The following NTN1 variants were observed in gnomAD, a reference collection of about 807,000 sequenced individuals.
The protein encoded by NTN1 is netrin-1.
Under a neutral mutation model 54.2 loss-of-function variants are expected in NTN1, and 11 were observed. The observed-to-expected ratio is 0.20, with a 90% CI of 0.13 to 0.34. The LOEUF (loss-of-function observed/expected upper bound fraction) is 0.34. Ranked by LOEUF, NTN1 falls within the 10% of genes least tolerant of loss-of-function variation. NTN1 has a pLI of 1.00. For missense variants in NTN1, 740 were observed against 893.1 expected, an observed-to-expected ratio of 0.83 and a Z score of 2.18; for synonymous variants, 371 against 382.0, an observed-to-expected ratio of 0.97 and a Z score of 0.33.
chr17:9,099,015 A>T (rs1033842516), intron 2 of NTN1, among the ~76,000 whole-genome samples: 5 of 152,190 alleles, frequency 3.3e-5, no homozygotes, highest in Non-Finnish European at 7.3e-5. Context: ...ATGAAATGGA[A>T]GTATGCTTTG....
intron 2 of NTN1, among the ~76,000 whole-genome samples, chr17:9,029,223 T>C (rs747469408): frequency 1.3e-5 from 2 of 152,190 alleles, no homozygotes; most frequent in African/African-American, 2.4e-5. Context: ...CAAACTCCTA[T>C]TGAGTGCCAG....
chr17:9,049,319 A>T (rs760695953), intron 2 of NTN1, among the ~76,000 whole-genome samples: 20 of 152,204 alleles, frequency 1.3e-4, no homozygotes, highest in Non-Finnish European at 2.4e-4. Context: ...AAAAAGAATA[A>T]CTTACAGTGA....
At position 9,022,640 on chromosome 17, in the gene NTN1, C is replaced by T; in HGVS notation, c.267C>T (p.Arg89=). 6.4e-7 allele frequency: 1 copy of T among 1,559,082 alleles called. No individual in the cohort carries two copies. The highest frequency in any genetic ancestry group is 8.7e-7 in the Non-Finnish European group (1 of 1,152,976). The change falls in exon 2 of 7, where the codon CGC becomes CGT. Residue 89 remains arginine (R), a synonymous_variant. Transcript: ENST00000173229. ...VVSERGEERL[R]SCHLCNASDP... ...GCGAGCGCGGCGAGGAGCGGCTGCG[C>T]TCGTGCCACCTCTGCAACGCGTCCG...
chr17:9,091,766 T>C (rs1331309642), intron 2 of NTN1, among the ~76,000 whole-genome samples: 3 of 151,656 alleles, frequency 2.0e-5, no homozygotes, highest in Admixed American at 2.0e-4. Context: ...TTAGCCACTT[T>C]TATGTGTACA....
intron 2 of NTN1, among the ~76,000 whole-genome samples, chr17:9,059,737 A>G (rs1597473248): frequency 6.6e-6 from 1 of 151,600 alleles, no homozygotes; most frequent in African/African-American, 2.4e-5. Flanking sequence ...GACAGAGGTG[A>G]TGGTTGTACA....
rs75542795 is a variant in NTN1, at chr17:9,081,863, C to T, written c.1018+58472C>T. On this transcript the variant is annotated intron_variant, in intron 2 of 6. Coordinates refer to ENST00000173229, the MANE Select transcript of NTN1 (RefSeq NM_004822.3). ...TAAATATTTAAAAATTCACTTTTAACCTTACATAAGGCCTGGAAGAGCACT... is the reference window on the plus strand; with the variant it reads ...TAAATATTTAAAAATTCACTTTTAATCTTACATAAGGCCTGGAAGAGCACT... Among the ~76,000 whole-genome samples the T allele has an allele frequency of 6.6e-3, 1,010 of 152,294 alleles. 11 individuals carry two copies. The highest frequency in any genetic ancestry group is 0.023 in the African/African-American group (970 of 41,554).
chr17:9,142,888 A>G (rs990460995), intron 2 of NTN1, among the ~76,000 whole-genome samples: 1 of 152,226 alleles, frequency 6.6e-6, no homozygotes, highest in Non-Finnish European at 1.5e-5. Flanking sequence ...ATCAATATGT[A>G]AAGTCCGTGT....
chr17:9,090,275 A>C (rs1361947868), intron 2 of NTN1, among the ~76,000 whole-genome samples: 1 of 151,116 alleles, frequency 6.6e-6, no homozygotes, highest in Admixed American at 6.6e-5. Context: ...TCCTGGATTC[A>C]AGCGATTGTC....
Position 9,239,537 on chromosome 17 carries a change from A to T in NTN1, c.1487-103A>T. The T allele has an allele frequency of 8.5e-7, 1 of 1,178,000 alleles. No homozygotes were observed. Among genetic ancestry groups the T allele is most frequent in the Non-Finnish European group, 1.2e-6 (1 of 826,016 alleles). The allele number at this position is 1,178,000 out of a possible 1,614,324, so 73.0% of individuals were successfully genotyped here. A position where few individuals can be genotyped will look rare whatever the true frequency, so the allele number is the denominator to read the frequency against. On this transcript the variant is annotated intron_variant, in intron 6 of 6. Coordinates refer to ENST00000173229, the MANE Select transcript of NTN1 (RefSeq NM_004822.3). The surrounding 1 kb of genome is among the most constrained non-coding windows in gnomAD (Gnocchi z 5.2). The stretch of plus-strand genomic sequence containing the variant: ...CCTGTATGGGCCACTCTGTGCAGTC[A>T]CTTCCTGGGGCTGGGTCTCCTTTCC...
intron 6 of NTN1, among the ~76,000 whole-genome samples, chr17:9,232,300 C>A (rs562772984): frequency 6.8e-4 from 103 of 152,350 alleles, no homozygotes; most frequent in Non-Finnish European, 5.3e-4. Flanking sequence ...CCCAGATCCA[C>A]TCCCTACTTA....
At chr17:9,220,157 C>T (rs977286604) in intron 5 of NTN1, among the ~76,000 whole-genome samples, 3 of 152,234 alleles carry the variant, frequency 2.0e-5, no homozygotes, top group African/African-American at 7.2e-5. Context: ...CATCTCAGGC[C>T]AGCCTTGGCA....
At position 9,022,491 on chromosome 17, in the gene NTN1, C is replaced by T; in HGVS notation, c.118C>T (p.Pro40Ser). The T allele has an allele frequency of 6.5e-7, 1 of 1,539,836 alleles. No individual in the cohort carries two copies. Among genetic ancestry groups the T allele is most frequent in the Non-Finnish European group, 8.7e-7 (1 of 1,146,972 alleles). Residue 40 changes from proline to serine, a missense_variant, in exon 2 of 7, where the codon CCC becomes TCC. Pro to Ser is a moderately conservative substitution (Grantham distance 74). Transcript: ENST00000173229. ...CGCGGGCCAGGCGGCGCAGCCCGAT[C>T]CCTGCTCGGACGAGAACGGCCACCC... is the stretch of plus-strand genomic sequence containing the variant. ...MFAGQAAQPD[P>S]CSDENGHPRR...
chr17:9,051,087 C>G (rs989136120), intron 2 of NTN1, among the ~76,000 whole-genome samples: 1 of 152,146 alleles, frequency 6.6e-6, no homozygotes, highest in African/African-American at 2.4e-5. Context: ...GTGGCTCTGG[C>G]AGGCAGAGGA....
chr17:9,115,750 G>A (rs1038233540), intron 2 of NTN1, among the ~76,000 whole-genome samples: 3 of 152,242 alleles, frequency 2.0e-5, no homozygotes, highest in Admixed American at 6.5e-5. Flanking sequence ...CGGATGGGCC[G>A]TGGCGGAGTC....
chr17:9,050,625 C>T lies in NTN1; in HGVS notation c.1018+27234C>T, dbSNP rs963617112. Among the ~76,000 whole-genome samples the T allele has an allele frequency of 1.3e-4, 19 of 143,736 alleles. 1 individual carries two copies. The highest frequency in any genetic ancestry group is 2.6e-4 in the African/African-American group (10 of 38,090). The allele number at this position is 143,736 out of a possible 152,430, so 94.3% of individuals were successfully genotyped here. On this transcript the variant is annotated intron_variant, in intron 2 of 6. Transcript: ENST00000173229. ...CAGAGGCTGCAGTGAGCTGAGATTG[C>T]GCCACTGCACTCCAGCCTGGGCGAC...
chr17:9,041,934 G>A (rs576353234), intron 2 of NTN1, among the ~76,000 whole-genome samples: 2 of 151,958 alleles, frequency 1.3e-5, no homozygotes, highest in East Asian at 1.9e-4. Flanking sequence ...GCTTGAATCC[G>A]GGAGGTGGAG....
chr17:9,229,014 G>A (rs1319558659), intron 6 of NTN1, among the ~76,000 whole-genome samples: 1 of 52,312 alleles, frequency 1.9e-5, no homozygotes. Flanking sequence ...CTGTAAGTGT[G>A]ACTGTGTGAG....
chr17:9,197,165 C>T (rs192955566), intron 5 of NTN1, among the ~76,000 whole-genome samples: 1 of 152,008 alleles, frequency 6.6e-6, no homozygotes, highest in Admixed American at 6.5e-5. Context: ...GTCATCCGAT[C>T]GGGCCTGCAC....
intron 2 of NTN1, among the ~76,000 whole-genome samples, chr17:9,153,875 G>A (rs1042937303): frequency 1.3e-5 from 2 of 152,188 alleles, no homozygotes. Context: ...GCCCTGCGTG[G>A]ACTGACTCTA....
Sources: allele counts gnomAD v4.1 joint callset (sites outside exome capture counted in the v4.1 genomes callset), GRCh38; gene constraint gnomAD v4.1.1; non-coding constraint Gnocchi (gnomAD v3.1); transcripts MANE v1.5; gene names NCBI Gene and HGNC (gene_info 2026-07-23, HGNC 2026-07-21).